Variants in NAV1 observed in about 807,000 individuals in gnomAD.
NAV1 encodes neuron navigator 1, also known as pore membrane and/or filament interacting like protein 3.
Under a neutral mutation model 175.2 loss-of-function variants are expected in NAV1, and 18 were observed. That is an observed-to-expected ratio of 0.10 (90% CI 0.07 to 0.15). NAV1 has a LOEUF of 0.15. NAV1 is among the 10% of genes least tolerant of loss of function. NAV1 has a pLI of 1.00. For synonymous variants in NAV1, 897 were observed against 978.7 expected, an observed-to-expected ratio of 0.92 and a Z score of 1.56; for missense variants, 1,731 against 2,436.6, an observed-to-expected ratio of 0.71 and a Z score of 6.10.
At chr1:201,554,402 C>T (rs1303145763) in intron 1 of NAV1, among the ~76,000 whole-genome samples, 1 of 152,190 alleles carries the variant, frequency 6.6e-6, no homozygotes, top group African/African-American at 2.4e-5. Context: ...AGCACAGAAC[C>T]TAGCAAGCAG....
At chr1:201,578,280 C>T (rs1323607783) in intron 1 of NAV1, among the ~76,000 whole-genome samples, 1 of 152,180 alleles carries the variant, frequency 6.6e-6, no homozygotes, top group African/African-American at 2.4e-5. Flanking sequence ...TGATCCCATC[C>T]ACTGAGATCA....
intron 1 of NAV1, among the ~76,000 whole-genome samples, chr1:201,709,807 G>T (rs537733697): frequency 6.6e-6 from 1 of 152,318 alleles, no homozygotes; most frequent in East Asian, 1.9e-4. Context: ...ATCTATACCT[G>T]TGGGGAAGCT....
upstream of NAV1, among the ~76,000 whole-genome samples, chr1:201,647,850 C>T (rs549091558): frequency 1.3e-5 from 2 of 152,262 alleles, no homozygotes; most frequent in South Asian, 4.2e-4. Flanking sequence ...CATTCTGAGC[C>T]GCCCTCCCTC....
chr1:201,681,745 G>T (rs1014987560), intron 1 of NAV1, among the ~76,000 whole-genome samples: 1 of 152,128 alleles, frequency 6.6e-6, no homozygotes, highest in Non-Finnish European at 1.5e-5. Context: ...GGCCGAGGGG[G>T]GCAGATCACT....
At chr1:201,733,032 C>T (rs1424243288) in intron 3 of NAV1, among the ~76,000 whole-genome samples, 1 of 152,040 alleles carries the variant, frequency 6.6e-6, no homozygotes, top group East Asian at 1.9e-4. Context: ...GATCATACCA[C>T]TGTACTCCAG....
At chr1:201,563,924 C>T (rs745758105) in intron 1 of NAV1, among the ~76,000 whole-genome samples, 4 of 151,686 alleles carry the variant, frequency 2.6e-5, no homozygotes, top group East Asian at 2.0e-4. Context: ...GCAAGACCCC[C>T]GTCTCTACAA....
chr1:201,544,652 A>G (rs1339749431), intron 1 of NAV1, among the ~76,000 whole-genome samples: 1 of 152,164 alleles, frequency 6.6e-6, no homozygotes, highest in Non-Finnish European at 1.5e-5. Flanking sequence ...ACTTCCACCC[A>G]TCGCTGAAAG....
chr1:201,739,855 G>T, intron 3 of NAV1: 1 of 1,275,208 alleles, frequency 7.8e-7, no homozygotes. Flanking sequence ...GTAAGTACAA[G>T]CCCTGGTGGT....
intron 1 of NAV1, among the ~76,000 whole-genome samples, chr1:201,649,797 C>T (rs1669117222): frequency 6.6e-6 from 1 of 152,218 alleles, no homozygotes; most frequent in Non-Finnish European, 1.5e-5. Context: ...CTGCGCTTGA[C>T]AGGAGCATCC....
At chr1:201,681,798 C>T (rs761166940) in intron 1 of NAV1, among the ~76,000 whole-genome samples, 7 of 151,974 alleles carry the variant, frequency 4.6e-5, no homozygotes, top group Non-Finnish European at 8.8e-5. Flanking sequence ...TATGGTGAAA[C>T]CCCATCTCTA....
At chr1:201,814,854 A>C (rs1209049533) in intron 28 of NAV1, among the ~76,000 whole-genome samples, 1 of 151,944 alleles carries the variant, frequency 6.6e-6, no homozygotes, top group African/African-American at 2.4e-5. Flanking sequence ...CGTGGCTAAC[A>C]CAGTGAAACC....
chr1:201,700,749 C>T (rs1337673275), intron 1 of NAV1, among the ~76,000 whole-genome samples: 1 of 152,148 alleles, frequency 6.6e-6, no homozygotes, highest in Non-Finnish European at 1.5e-5. Flanking sequence ...CAATGGCTCA[C>T]GCCTGTAATC....
At chr1:201,604,183 T>C (rs1667604053) in intron 2 of NAV1, among the ~76,000 whole-genome samples, 1 of 152,096 alleles carries the variant, frequency 6.6e-6, no homozygotes. Context: ...GCCTCCCGAG[T>C]AGCTGTGACT....
intron 3 of NAV1, among the ~76,000 whole-genome samples, chr1:201,763,539 A>G (rs1367367001): frequency 6.6e-6 from 1 of 152,228 alleles, no homozygotes; most frequent in East Asian, 1.9e-4. Flanking sequence ...GCAGACAAAA[A>G]GGGAAATCTC....
chr1:201,645,294 C>T (rs368358803), upstream of NAV1, among the ~76,000 whole-genome samples: 163 of 150,640 alleles, frequency 1.1e-3, 1 homozygote, highest in African/African-American at 3.9e-3. Context: ...AGCAAACTAT[C>T]GCAAGGACAA....
chr1:201,658,703 CA>C (rs1669497807), intron 1 of NAV1, among the ~76,000 whole-genome samples: 2 of 152,266 alleles, frequency 1.3e-5, no homozygotes, highest in South Asian at 4.2e-4. Context: ...AAAGGATCCC[CA>C]AAAGAGTCCT....
At chr1:201,725,848 C>T (rs2102504270) in intron 3 of NAV1, among the ~76,000 whole-genome samples, 1 of 152,166 alleles carries the variant, frequency 6.6e-6, no homozygotes. Flanking sequence ...GTCCCAGCTA[C>T]TCAGGAGGCT....
chr1:201,558,644 G>C (rs1440523423), intron 1 of NAV1, among the ~76,000 whole-genome samples: 1 of 152,136 alleles, frequency 6.6e-6, no homozygotes, highest in Non-Finnish European at 1.5e-5. Flanking sequence ...TAGAGACGGG[G>C]TCTCACCACG....
chr1:201,591,806 C>T (rs1023862147), intron 2 of NAV1, among the ~76,000 whole-genome samples: 26 of 152,154 alleles, frequency 1.7e-4, no homozygotes, highest in African/African-American at 3.9e-4. Context: ...AAAGCTGAAT[C>T]GTGAGACAGG....
Sources: gnomAD v4.1 joint callset for allele counts (sites outside exome capture counted in the v4.1 genomes callset) on GRCh38, gnomAD v4.1.1 for gene constraint, MANE v1.5 for transcripts, NCBI Gene and HGNC (gene_info 2026-07-23, HGNC 2026-07-21) for gene names.